Variants in CASD1 observed in about 807,000 individuals in gnomAD.
The protein encoded by CASD1 is CAS1 domain sialic acid O acetyltransferase 1, also known as N-acetylneuraminate (7)9-O-acetyltransferase.
In CASD1, 41 loss-of-function variants were observed where a neutral mutation model predicts 100.0. The observed-to-expected ratio is 0.41, with a 90% confidence interval of 0.32 to 0.53. The LOEUF is 0.53. CASD1 is among the 20% of genes least tolerant of loss of function. The pLI is 0.25. For synonymous variants in CASD1, 321 were observed against 315.6 expected, an observed-to-expected ratio of 1.02 and a Z score of -0.18; for missense variants, 774 against 948.7, an observed-to-expected ratio of 0.82 and a Z score of 2.42.
At chr7:94,629,913 G>T in the CASD1 span, 1 of 1,573,860 alleles carries the variant, frequency 6.4e-7, no homozygotes, top group South Asian at 1.1e-5. Flanking sequence ...TTCAGCTTAC[G>T]CTGTTTATAA....
chr7:94,579,231 AAAAGG>A, the CASD1 span, among the ~76,000 whole-genome samples: 1 of 151,924 alleles, frequency 6.6e-6, no homozygotes, highest in Non-Finnish European at 1.5e-5. Context: ...AAAAAAAAAA[AAAAGG>A]AAAGGGGGTA....
chr7:94,603,020 A>G, the CASD1 span, among the ~76,000 whole-genome samples: 1 of 152,184 alleles, frequency 6.6e-6, no homozygotes, highest in Non-Finnish European at 1.5e-5. Flanking sequence ...TAGCAGCTAT[A>G]TGGATGCCCA....
the CASD1 span, among the ~76,000 whole-genome samples, chr7:94,615,809 T>A: frequency 6.6e-6 from 1 of 152,176 alleles, no homozygotes. Flanking sequence ...TTGGCAGCCA[T>A]GACATGCCTG....
chr7:94,605,775 AAAC>A, the CASD1 span, among the ~76,000 whole-genome samples: 10 of 152,148 alleles, frequency 6.6e-5, no homozygotes, highest in African/African-American at 2.4e-4. Flanking sequence ...TAGAAACAAA[AAAC>A]AAAGGCAACA....
intron 3 of CASD1, among the ~76,000 whole-genome samples, chr7:94,525,721 A>AAATAAAT (rs1794531117): frequency 6.6e-6 from 1 of 152,206 alleles, no homozygotes; most frequent in South Asian, 2.1e-4. Context: ...TTCACCAAAG[A>AAATAAAT]AACTTAAAGT....
intron 10 of CASD1, among the ~76,000 whole-genome samples, chr7:94,541,925 A>G (rs1440717478): frequency 6.6e-6 from 1 of 152,134 alleles, no homozygotes; most frequent in African/African-American, 2.4e-5. Context: ...TCCAGCATAC[A>G]GCATATAGGT....
At chr7:94,569,971 G>A in the CASD1 span, among the ~76,000 whole-genome samples, 2 of 151,788 alleles carry the variant, frequency 1.3e-5, no homozygotes, top group African/African-American at 2.4e-5. Context: ...CCGCCACCAT[G>A]CCCAGCTAAT....
chr7:94,533,585 C>T, intron 6 of CASD1, 94 bp from the exon 7 acceptor site: 1 of 909,068 alleles, frequency 1.1e-6, no homozygotes, highest in Non-Finnish European at 1.5e-6. Flanking sequence ...TGAGAAATAT[C>T]TAAAATAATA....
chr7:94,545,287 T>TA (rs1255938951), intron 11 of CASD1, among the ~76,000 whole-genome samples: 3 of 152,112 alleles, frequency 2.0e-5, no homozygotes, highest in African/African-American at 7.2e-5. Context: ...AGATGGCAGT[T>TA]ATAGCCAGAG....
chr7:94,576,507 A>G, the CASD1 span, among the ~76,000 whole-genome samples: 1 of 152,204 alleles, frequency 6.6e-6, no homozygotes, highest in Admixed American at 6.5e-5. Context: ...GTTTGACTGG[A>G]TAAGTTTATC....
chr7:94,520,936 C>T (rs946919879), intron 3 of CASD1, among the ~76,000 whole-genome samples: 2 of 151,964 alleles, frequency 1.3e-5, no homozygotes, highest in East Asian at 3.9e-4. Flanking sequence ...TACTAAAATG[C>T]AAAAAATTAG....
chr7:94,512,057 A>C (rs73423210), intron 1 of CASD1, among the ~76,000 whole-genome samples: 7,392 of 152,306 alleles, frequency 0.049, 593 homozygotes, highest in African/African-American at 0.17. Context: ...ACATCTTACC[A>C]GGAATATCCT....
At chr7:94,563,288 G>A in the CASD1 span, among the ~76,000 whole-genome samples, 2 of 152,094 alleles carry the variant, frequency 1.3e-5, no homozygotes, top group African/African-American at 4.8e-5. Flanking sequence ...TTAAAGAGGC[G>A]TCTTCCATGC....
chr7:94,511,214 T>C (rs931441308), intron 1 of CASD1, among the ~76,000 whole-genome samples: 1 of 152,188 alleles, frequency 6.6e-6, no homozygotes. Context: ...GGCCAGCTCT[T>C]GGTGACTGTG....
chr7:94,514,550 A>G (rs1291627972), intron 1 of CASD1, among the ~76,000 whole-genome samples: 1 of 152,114 alleles, frequency 6.6e-6, no homozygotes, highest in Non-Finnish European at 1.5e-5. Context: ...GGGCCATCAG[A>G]TGTTTCCTTT....
At chr7:94,576,845 A>G in the CASD1 span, among the ~76,000 whole-genome samples, 5 of 152,314 alleles carry the variant, frequency 3.3e-5, 1 homozygote, top group South Asian at 1.0e-3. Flanking sequence ...AATAAACTGT[A>G]ACCATGAATA....
At chr7:94,587,834 A>G in the CASD1 span, 2 of 1,533,346 alleles carry the variant, frequency 1.3e-6, no homozygotes, top group Non-Finnish European at 1.8e-6. Flanking sequence ...GAAAGCAGTA[A>G]TAGAGAAGAT....
At chr7:94,550,750 C>T (rs997468892) in intron 14 of CASD1, among the ~76,000 whole-genome samples, 2 of 152,000 alleles carry the variant, frequency 1.3e-5, no homozygotes, top group African/African-American at 4.8e-5. Context: ...AAGGCTTTAC[C>T]TCCAAAACTG....
chr7:94,593,740 A>G, the CASD1 span, among the ~76,000 whole-genome samples: 2 of 152,196 alleles, frequency 1.3e-5, no homozygotes, highest in East Asian at 3.9e-4. Context: ...CCTCCTAGAC[A>G]ATGTGCATGG....
Sources: allele counts gnomAD v4.1 joint callset (sites outside exome capture counted in the v4.1 genomes callset), GRCh38; gene constraint gnomAD v4.1.1; transcripts MANE v1.5; gene names NCBI Gene and HGNC (gene_info 2026-07-23, HGNC 2026-07-21).